The following SGCE variants were observed in gnomAD, a reference collection of about 807,000 sequenced individuals.
The protein encoded by SGCE is epsilon-sarcoglycan.
A neutral mutation model predicts 57.8 loss-of-function variants in SGCE; 26 were observed. The observed-to-expected ratio is 0.45, with a 90% confidence interval of 0.33 to 0.62. SGCE has a LOEUF of 0.62. SGCE is among the 20% of genes least tolerant of loss of function. SGCE has a pLI of 0.02. For synonymous variants in SGCE, 183 were observed against 189.5 expected (o/e 0.97, Z 0.28); for missense variants, 468 against 548.6 (o/e 0.85, Z 1.47).
At chr7:94,595,151 T>A (rs972972926) in intron 9 of SGCE, among the ~76,000 whole-genome samples, 1 of 152,176 alleles carries the variant, frequency 6.6e-6, no homozygotes, top group African/African-American at 2.4e-5. Context: ...TTTTTCTTAC[T>A]GACTAATTTA....
chr7:94,595,904 G>A (rs964772641), intron 9 of SGCE, among the ~76,000 whole-genome samples: 7 of 152,060 alleles, frequency 4.6e-5, no homozygotes, highest in Non-Finnish European at 8.8e-5. Context: ...AAACGACACC[G>A]AATGTAATTT....
At chr7:94,615,642 C>A (rs1484751128) in intron 5 of SGCE, among the ~76,000 whole-genome samples, 1 of 152,104 alleles carries the variant, frequency 6.6e-6, no homozygotes, top group African/African-American at 2.4e-5. Flanking sequence ...AAATAGGATT[C>A]TCTGTTGTTG....
intron 3 of SGCE, 65 bp from the exon 4 acceptor site, chr7:94,623,462 G>T: frequency 9.9e-7 from 1 of 1,009,170 alleles, no homozygotes; most frequent in Non-Finnish European, 1.5e-6. Flanking sequence ...ATTCATTAAG[G>T]ATTAAAATGA....
At chr7:94,607,549 C>T (rs979860667) in intron 5 of SGCE, among the ~76,000 whole-genome samples, 1 of 152,024 alleles carries the variant, frequency 6.6e-6, no homozygotes, top group Non-Finnish European at 1.5e-5. Context: ...AGAAAAATCA[C>T]ATGACAGCAT....
At chr7:94,607,813 A>G (rs921159950) in intron 5 of SGCE, among the ~76,000 whole-genome samples, 9 of 152,204 alleles carry the variant, frequency 5.9e-5, no homozygotes, top group Non-Finnish European at 1.0e-4. Context: ...TAAAAAGTAT[A>G]CAGATTTGAA....
intron 1 of SGCE, among the ~76,000 whole-genome samples, chr7:94,651,125 T>C (rs930591204): frequency 2.0e-5 from 3 of 152,196 alleles, no homozygotes; most frequent in Admixed American, 1.3e-4. Flanking sequence ...TGGTTCATAA[T>C]AACCTTCATT....
At position 94,585,507 on chromosome 7, in the gene SGCE, A is replaced by G. The variant is rs1265642982; in HGVS notation, c.1306T>C (p.Tyr436His). 1 of 1,605,658 alleles carries G rather than the reference A, an allele frequency of 6.2e-7. No individual in the cohort carries two copies. Among genetic ancestry groups the G allele is most frequent in the Admixed American group, 1.7e-5 (1 of 60,012 alleles). The change falls in exon 11 of 11, where the codon TAT (tyrosine) becomes CAT (histidine). Residue 436 changes from tyrosine to histidine, a missense_variant. Transcript: ENST00000648936. ...IPQQQTTGKW[Y>H]P ...CAGTCAGTTTTCTTTCTTCAGGGAT[A>G]CCATTTACCTGCAATGTGTAAGAAT...
Position 94,585,333 on chromosome 7 carries a change from A to G in SGCE, c.*166T>C. ...AAATGCTTTAAGTACAAAAAAATAC[A>G]TTAGTAAAATGAAAGTTATGTTGTA... On this transcript the variant is annotated 3_prime_UTR_variant, in exon 11 of 11. Coordinates refer to ENST00000648936, the MANE Select transcript of SGCE (RefSeq NM_003919.3). 1.8e-6 allele frequency: 1 copy of G among 563,910 alleles called. No individual in the cohort carries two copies. Among genetic ancestry groups the G allele is most frequent in the South Asian group, 3.5e-5 (1 of 28,878 alleles). 34.9% of individuals were successfully genotyped at this position (563,910 alleles called of 1,614,324 possible). A position where few individuals can be genotyped will look rare whatever the true frequency, so the allele number is the denominator to read the frequency against.
intron 5 of SGCE, among the ~76,000 whole-genome samples, chr7:94,614,690 G>A (rs1034231164): frequency 2.0e-5 from 3 of 152,124 alleles, no homozygotes; most frequent in Non-Finnish European, 2.9e-5. Context: ...AATGTAGTGA[G>A]AGAGGAGCCC....
chr7:94,610,592 T>A (rs987728873), intron 5 of SGCE, among the ~76,000 whole-genome samples: 1 of 152,104 alleles, frequency 6.6e-6, no homozygotes, highest in African/African-American at 2.4e-5. Flanking sequence ...TGACCTTGGA[T>A]TAGGCAATGA....
intron 10 of SGCE, chr7:94,586,995 ATG>A: frequency 1.0e-6 from 1 of 984,330 alleles, no homozygotes; most frequent in African/African-American, 1.7e-5. Flanking sequence ...TTGCAGAAAA[ATG>A]TAAGAAAACA....
intron 1 of SGCE, among the ~76,000 whole-genome samples, chr7:94,640,015 C>T (rs540072219): frequency 3.3e-5 from 5 of 152,144 alleles, no homozygotes; most frequent in Admixed American, 1.3e-4. Context: ...GGAGATAATA[C>T]TGACATGGAG....
At chr7:94,604,735 T>C (rs1463061571) in intron 5 of SGCE, among the ~76,000 whole-genome samples, 1 of 142,328 alleles carries the variant, frequency 7.0e-6, no homozygotes, top group African/African-American at 2.6e-5. Context: ...AAATTTATGG[T>C]CTTGAGGCAT....
chr7:94,624,843 A>G (rs1328267205), intron 3 of SGCE: 2 of 151,898 alleles, frequency 1.3e-5, no homozygotes, highest in Non-Finnish European at 2.9e-5. Context: ...AAATTTCATT[A>G]TTATAAGTTT....
chr7:94,629,534 A>G (rs1390229695), intron 2 of SGCE, 185 bp downstream of exon 2: 4 of 589,256 alleles, frequency 6.8e-6, no homozygotes, highest in Non-Finnish European at 1.2e-5. Flanking sequence ...ACATTCAAAA[A>G]TAAATTATTT....
At chr7:94,587,544 G>A in intron 10 of SGCE, 1 of 1,316,364 alleles carries the variant, frequency 7.6e-7, no homozygotes, top group Non-Finnish European at 9.6e-7. Context: ...GAAATTAGTG[G>A]TAGTAGGGAT....
intron 9 of SGCE, among the ~76,000 whole-genome samples, chr7:94,593,837 C>G (rs1222077078): frequency 1.3e-5 from 2 of 152,066 alleles, no homozygotes; most frequent in Non-Finnish European, 2.9e-5. Flanking sequence ...TGAATAACAA[C>G]CCTTCTTACT....
At chr7:94,624,428 T>A in intron 3 of SGCE, 1 of 387,806 alleles carries the variant, frequency 2.6e-6, no homozygotes. Flanking sequence ...CTTTTAACAA[T>A]GTTTAAAAGG....
Position 94,585,427 on chromosome 7 carries a change from A to C in SGCE, c.*72T>G. 2 of 1,389,744 alleles carry C rather than the reference A, an allele frequency of 1.4e-6. No individual in the cohort carries two copies. Among genetic ancestry groups the C allele is most frequent in the Non-Finnish European group, 2.0e-6 (2 of 975,782 alleles). 86.1% of individuals were successfully genotyped at this position (1,389,744 alleles called of 1,614,324 possible). On this transcript the variant is annotated 3_prime_UTR_variant, in exon 11 of 11. Coordinates refer to ENST00000648936, the MANE Select transcript of SGCE (RefSeq NM_003919.3). ...CCAGAAAAGCTCATGCATTATTGGA[A>C]GAGAAAAGAAATGTGATGTAACTGC...
Sources: gnomAD v4.1 joint callset for allele counts (sites outside exome capture counted in the v4.1 genomes callset) on GRCh38, gnomAD v4.1.1 for gene constraint, MANE v1.5 for transcripts, NCBI Gene and HGNC (gene_info 2026-07-23, HGNC 2026-07-21) for gene names.